The following DAB1 variants were observed in gnomAD, a reference collection of about 807,000 sequenced individuals.
DAB1 encodes disabled homolog 1.
In DAB1, 15 loss-of-function variants were observed where a neutral mutation model predicts 64.6. The ratio of observed to expected loss-of-function variants is 0.23; its 90% CI spans 0.16 to 0.36. The LOEUF (loss-of-function observed/expected upper bound fraction) is 0.36, where lower values mean the gene tolerates loss of function less well. Ranked by LOEUF, DAB1 falls within the 10% of genes least tolerant of loss-of-function variation. The probability of loss-of-function intolerance (pLI) is 1.00; values close to 1 mark genes in which losing one functional copy is unlikely to be tolerated. For missense variants in DAB1, 596 were observed against 706.7 expected (o/e 0.84, Z 1.78); for synonymous variants, 235 against 251.9 (o/e 0.93, Z 0.64).
At chr1:57,206,982 T>TTTTTC (rs1665604920) in intron 2 of DAB1, among the ~76,000 whole-genome samples, 2 of 144,278 alleles carry the variant, frequency 1.4e-5, no homozygotes, top group Non-Finnish European at 3.0e-5. Context: ...TTTTTTTTTT[T>TTTTTC]TTTTTTTTGG....
intron 10 of DAB1, among the ~76,000 whole-genome samples, chr1:57,024,705 C>T (rs183669103): frequency 6.6e-6 from 1 of 152,302 alleles, no homozygotes; most frequent in African/African-American, 2.4e-5. Context: ...AGTCACATGT[C>T]CTCTCTGGGA....
chr1:57,612,631 C>T (rs1444555741), intron 7 of DAB1, among the ~76,000 whole-genome samples: 1 of 152,022 alleles, frequency 6.6e-6, no homozygotes. Flanking sequence ...CTAGAGCCTC[C>T]AGAAGGAAAA....
At chr1:58,452,770 G>T (rs1034740364) in intron 3 of DAB1, among the ~76,000 whole-genome samples, 1 of 151,728 alleles carries the variant, frequency 6.6e-6, no homozygotes, top group Admixed American at 6.6e-5. Flanking sequence ...GGAGGTTGCG[G>T]TGAGCCACGA....
chr1:58,004,229 C>T (rs1003486578), intron 5 of DAB1, among the ~76,000 whole-genome samples: 1 of 152,194 alleles, frequency 6.6e-6, no homozygotes, highest in Non-Finnish European at 1.5e-5. Flanking sequence ...TAGTAATACA[C>T]ATTATTATGC....
At chr1:57,690,346 G>C (rs1383373484) in intron 6 of DAB1, among the ~76,000 whole-genome samples, 1 of 152,070 alleles carries the variant, frequency 6.6e-6, no homozygotes, top group Non-Finnish European at 1.5e-5. Flanking sequence ...GGCATGGTGG[G>C]GGGTAATTGG....
chr1:58,331,475 G>C (rs566509515), intron 4 of DAB1, among the ~76,000 whole-genome samples: 1 of 152,212 alleles, frequency 6.6e-6, no homozygotes, highest in East Asian at 1.9e-4. Flanking sequence ...TATACTGTGA[G>C]TAACATGCTA....
chr1:58,414,460 G>A lies in DAB1; in HGVS notation n.258-71057C>T, dbSNP rs193277942. Among the ~76,000 whole-genome samples the A allele has an allele frequency of 3.5e-4, 54 of 152,288 alleles. 1 individual carries two copies. Among genetic ancestry groups the A allele is most frequent in the Admixed American group, 2.4e-3 (36 of 15,302 alleles). ...GTCTCCATGTAGACTGAAGCAACTC[G>A]AATGCAAAGAATGTATTTTGTTTAG... On this transcript the variant is annotated intron_variant and non_coding_transcript_variant, in intron 3 of 20. Transcript: ENST00000485760.
intron 2 of DAB1, among the ~76,000 whole-genome samples, chr1:57,175,785 C>T (rs1056636667): frequency 1.3e-5 from 2 of 152,144 alleles, no homozygotes; most frequent in African/African-American, 2.4e-5. Flanking sequence ...CAATGCAGAG[C>T]GTACCAGGTA....
At chr1:57,975,582 G>T (rs543973787) in intron 5 of DAB1, among the ~76,000 whole-genome samples, 5 of 152,250 alleles carry the variant, frequency 3.3e-5, no homozygotes, top group Admixed American at 2.0e-4. Context: ...GTTTGTATAG[G>T]GATATGCAAA....
intron 5 of DAB1, among the ~76,000 whole-genome samples, chr1:57,951,116 C>A (rs1645266898): frequency 6.6e-6 from 1 of 151,510 alleles, no homozygotes; most frequent in Admixed American, 6.6e-5. Context: ...TTTATTAGAC[C>A]CTGGCACAAG....
intron 7 of DAB1, among the ~76,000 whole-genome samples, chr1:57,597,479 A>C (rs1645524415): frequency 1.3e-5 from 2 of 152,256 alleles, no homozygotes; most frequent in South Asian, 4.1e-4. Flanking sequence ...ATGAGCACAA[A>C]GTAACACATT....
chr1:57,273,440 C>G (rs147384246), intron 2 of DAB1, among the ~76,000 whole-genome samples: 112 of 152,234 alleles, frequency 7.4e-4, no homozygotes, highest in African/African-American at 2.6e-3. Context: ...TGCTAAGCAA[C>G]TTTGGCTTAA....
intron 4 of DAB1, among the ~76,000 whole-genome samples, chr1:58,200,029 T>C (rs1041947324): frequency 6.6e-6 from 1 of 152,168 alleles, no homozygotes; most frequent in Non-Finnish European, 1.5e-5. Context: ...TCCACTCATA[T>C]TCCATTGGTC....
At chr1:57,946,204 T>G (rs574187573) in intron 5 of DAB1, among the ~76,000 whole-genome samples, 1 of 152,210 alleles carries the variant, frequency 6.6e-6, no homozygotes, top group Non-Finnish European at 1.5e-5. Context: ...TTCAAAGAAG[T>G]CACAGATGCC....
chr1:57,385,053 T>C (rs1681698396), intron 1 of DAB1, among the ~76,000 whole-genome samples: 2 of 152,208 alleles, frequency 1.3e-5, no homozygotes, highest in African/African-American at 2.4e-5. Flanking sequence ...AAACCCATCT[T>C]GGATCACTGA....
chr1:57,817,462 C>T (rs1404145380), intron 6 of DAB1, among the ~76,000 whole-genome samples: 1 of 152,224 alleles, frequency 6.6e-6, no homozygotes, highest in Non-Finnish European at 1.5e-5. Flanking sequence ...CCATCCCCAT[C>T]CCCCTGCAGC....
chr1:57,643,773 A>G (rs1201035097), intron 7 of DAB1, among the ~76,000 whole-genome samples: 1 of 152,190 alleles, frequency 6.6e-6, no homozygotes, highest in South Asian at 2.1e-4. Flanking sequence ...CTTGGTCACA[A>G]TTGGAACTTC....
intron 1 of DAB1, among the ~76,000 whole-genome samples, chr1:57,857,803 AT>A (rs905869561): frequency 6.7e-6 from 1 of 149,334 alleles, no homozygotes; most frequent in Non-Finnish European, 1.5e-5. Flanking sequence ...AAATATAAGT[AT>A]TTTTAAAGTA....
intron 3 of DAB1, among the ~76,000 whole-genome samples, chr1:58,361,932 T>G (rs1333924218): frequency 7.4e-6 from 1 of 135,962 alleles, no homozygotes; most frequent in Non-Finnish European, 1.5e-5. Flanking sequence ...TGCAGCAGTG[T>G]GATTTCACTG....
Sources: gnomAD v4.1 joint callset for allele counts (sites outside exome capture counted in the v4.1 genomes callset) on GRCh38, gnomAD v4.1.1 for gene constraint, MANE v1.5 for transcripts, NCBI Gene and HGNC (gene_info 2026-07-23, HGNC 2026-07-21) for gene names.